Variants in SMIM15 observed in about 807,000 individuals in gnomAD.
The protein encoded by SMIM15 is small integral membrane protein 15, also known as UPF0542 protein C5orf43.
In SMIM15, 5 loss-of-function variants were observed where a neutral mutation model predicts 6.8. That is an observed-to-expected ratio of 0.74 (90% CI 0.39 to 1.56). The LOEUF (loss-of-function observed/expected upper bound fraction) is 1.56, where lower values mean the gene tolerates loss of function less well. SMIM15 is among the 40% of genes most tolerant of loss of function. The pLI is 0.03. For missense variants in SMIM15, 81 were observed against 84.8 expected, an observed-to-expected ratio of 0.96 and a Z score of 0.18; for synonymous variants, 30 against 30.8, an observed-to-expected ratio of 0.97 and a Z score of 0.09.
intron 2 of SMIM15, among the ~76,000 whole-genome samples, chr5:61,160,861 C>T (rs1579861360): frequency 1.3e-5 from 2 of 152,154 alleles, no homozygotes; most frequent in East Asian, 3.8e-4. Context: ...GTAGCCTTAA[C>T]AGATGCCATG....
rs1741437899 is a variant in SMIM15 at position 61,162,414 on chromosome 5, C to A, written c.-366G>T. On this transcript the variant is annotated 5_prime_UTR_variant, in exon 1 of 3. Coordinates refer to ENST00000339020, the MANE Select transcript of SMIM15 (RefSeq NM_001048249.4). This position sits in a 1 kb window ranked among gnomAD's most constrained non-coding sequence, Gnocchi z 4.4. ...GCAGCCACCAACTTCCCCTACATAG[C>A]CCCACGGGATCGGATCCCACTCCCC... The A allele has an allele frequency of 6.6e-6, 1 of 152,512 alleles. No homozygotes were observed. The highest frequency in any genetic ancestry group is 1.5e-5 in the Non-Finnish European group (1 of 68,266). The allele number at this position is 152,512 out of a possible 1,614,324, so 9.4% of individuals were successfully genotyped here.
chr5:61,161,782 A>C (rs1741421172), intron 1 of SMIM15, among the ~76,000 whole-genome samples: 1 of 152,152 alleles, frequency 6.6e-6, no homozygotes, highest in African/African-American at 2.4e-5. Context: ...TATCTTCCCC[A>C]CGATTTTCAA....
At position 61,159,052 on chromosome 5, in the gene SMIM15, CAT is replaced by C. The variant is rs1254155339; in HGVS notation, c.*893_*894del. The C allele has an allele frequency of 2.0e-5, 3 of 152,312 alleles. No homozygotes were observed. The highest frequency in any genetic ancestry group is 2.4e-5 in the African/African-American group (1 of 41,572). The allele number at this position is 152,312 out of a possible 1,614,324, so 9.4% of individuals were successfully genotyped here. ...CAGAAAGTATTAAATATCACTACCA[CAT>C]GAGTTAAAACAAAGAATGAAATAAA... On this transcript the variant is annotated 3_prime_UTR_variant, in exon 3 of 3. Coordinates refer to ENST00000339020, the MANE Select transcript of SMIM15 (RefSeq NM_001048249.4).
rs1208873560 is a variant in SMIM15 at position 61,159,626 on chromosome 5, A to G, written c.*321T>C. On this transcript the variant is annotated 3_prime_UTR_variant, in exon 3 of 3. Transcript: ENST00000339020. ...TCATTTGAATTGAGTTCATAATCTAAAGTCACTTTTCCCCACAAGATGTTT... is the reference window on the plus strand; with the variant it reads ...TCATTTGAATTGAGTTCATAATCTAGAGTCACTTTTCCCCACAAGATGTTT... The G allele has an allele frequency of 3.3e-6, 1 of 305,078 alleles. No homozygotes were observed. Among genetic ancestry groups the G allele is most frequent in the Non-Finnish European group, 6.1e-6 (1 of 162,614 alleles). The allele number at this position is 305,078 out of a possible 1,614,324, so 18.9% of individuals were successfully genotyped here.
rs941684110 is a variant in SMIM15 at position 61,158,755 on chromosome 5, G to A, written c.*1192C>T. ...AATACTAACAGTGAATAAAATTATT[G>A]GACCATGCATTTATAAAAGCCATGT... On this transcript the variant is annotated 3_prime_UTR_variant, in exon 3 of 3. Transcript: ENST00000339020. The A allele has an allele frequency of 6.6e-6, 1 of 152,010 alleles. No homozygotes were observed. The highest frequency in any genetic ancestry group is 2.4e-5 in the African/African-American group (1 of 41,384). The allele number at this position is 152,010 out of a possible 1,614,324, so 9.4% of individuals were successfully genotyped here.
intron 2 of SMIM15, 88 bp from the exon 3 acceptor site, chr5:61,160,287 A>C: frequency 1.1e-6 from 1 of 883,858 alleles, no homozygotes; most frequent in Non-Finnish European, 1.7e-6. Flanking sequence ...TTCCTCACAC[A>C]ACCAGTTAAC....
intron 2 of SMIM15, among the ~76,000 whole-genome samples, chr5:61,160,689 G>A (rs527874091): frequency 3.3e-5 from 5 of 152,330 alleles, no homozygotes; most frequent in South Asian, 2.1e-4. Flanking sequence ...TGAAATGCTC[G>A]CAGAGAAGGA....
rs142026129 is a variant in SMIM15, at chr5:61,160,202, G to A, written c.-28-3C>T. On this transcript the variant is annotated splice_region_variant and splice_polypyrimidine_tract_variant and intron_variant, in intron 2 of 2. Coordinates refer to ENST00000339020, the MANE Select transcript of SMIM15 (RefSeq NM_001048249.4). ...CAGCAGTCTTATGAAAACTGGGGCT[G>A]GGGGAGGCGGGTGGAGAACACAGAG... 0.032 allele frequency: 51,852 copies of A among 1,596,694 alleles called. 1,053 individuals are homozygous for A. The highest frequency in any genetic ancestry group is 0.039 in the Non-Finnish European group (46,080 of 1,169,300).
Position 61,159,766 on chromosome 5 carries a change from ACCC to A in SMIM15, c.*178_*180del. 1 of 644,450 alleles carries A rather than the reference ACCC, an allele frequency of 1.6e-6. No individual in the cohort carries two copies. The highest frequency in any genetic ancestry group is 2.8e-5 in the East Asian group (1 of 35,692). The allele number at this position is 644,450 out of a possible 1,614,324, so 39.9% of individuals were successfully genotyped here. A position where few individuals can be genotyped will look rare whatever the true frequency, so the allele number is the denominator to read the frequency against. The stretch of plus-strand genomic sequence containing the variant: ...TCAATAGAAACCTATAAACTTCTAC[ACCC>A]ACGCCTAAAAGTTACTATAGTATTG... On this transcript the variant is annotated 3_prime_UTR_variant, in exon 3 of 3. Coordinates refer to ENST00000339020, the MANE Select transcript of SMIM15 (RefSeq NM_001048249.4).
At chr5:61,160,523 G>A (rs1561143541) in intron 2 of SMIM15, among the ~76,000 whole-genome samples, 1 of 152,164 alleles carries the variant, frequency 6.6e-6, no homozygotes, top group Non-Finnish European at 1.5e-5. Context: ...ACTTTATTTA[G>A]GAGGAGGCTT....
In SMIM15 at chr5:61,160,023, G is replaced by C; in HGVS notation, c.149C>G (p.Ala50Gly). 1.2e-6 allele frequency: 2 copies of C among 1,613,950 alleles called. No homozygotes were observed. The highest frequency in any genetic ancestry group is 1.7e-6 in the Non-Finnish European group (2 of 1,180,008). Residue 50 changes from alanine to glycine, a missense_variant, in exon 3 of 3, where the codon GCC becomes GGC. Physicochemically the swap from Ala to Gly is moderately conservative, Grantham distance 60. Transcript: ENST00000339020. The stretch of plus-strand genomic sequence containing the variant: ...CTTCTTCTTTTGCTCCTTCTCCCTG[G>C]CCTCAATCATCTTGGCCAATTTCCA... ...LSWKLAKMIE[A>G]REKEQKKKQK...
At position 61,159,936 on chromosome 5, in the gene SMIM15, T is replaced by C; in HGVS notation, c.*11A>G. On this transcript the variant is annotated 3_prime_UTR_variant, in exon 3 of 3. Coordinates refer to ENST00000339020, the MANE Select transcript of SMIM15 (RefSeq NM_001048249.4). ...ATGATTTTCCTCTGGTTGCAAAGCC[T>C]GTTCAGTCCTTCAATCCTTTTTTAG... The C allele has an allele frequency of 6.2e-7, 1 of 1,611,928 alleles. No individual in the cohort carries two copies. The highest frequency in any genetic ancestry group is 8.5e-7 in the Non-Finnish European group (1 of 1,179,928).
rs887392070 is a variant in SMIM15, at chr5:61,157,772, G to C, written c.*2175C>G. ...ATAAAATGTTTGTTAGAGGCAGCCA[G>C]GGGACAGCTTTCTTTCTCCCCCAAG... On this transcript the variant is annotated 3_prime_UTR_variant, in exon 3 of 3. Coordinates refer to ENST00000339020, the MANE Select transcript of SMIM15 (RefSeq NM_001048249.4). 6.6e-6 allele frequency: 1 copy of C among 152,054 alleles called. No individual in the cohort carries two copies. The highest frequency in any genetic ancestry group is 1.5e-5 in the Non-Finnish European group (1 of 67,994). 9.4% of individuals were successfully genotyped at this position (152,054 alleles called of 1,614,324 possible).
In SMIM15 at chr5:61,159,813, T is replaced by G. The variant is rs1034105968; in HGVS notation, c.*134A>C. On this transcript the variant is annotated 3_prime_UTR_variant, in exon 3 of 3. Coordinates refer to ENST00000339020, the MANE Select transcript of SMIM15 (RefSeq NM_001048249.4). ...AGTATTGAGGTCAGAACTAACATGATTCTTCCATTTGGTCAAATTTCATTT... is the reference window on the plus strand; with the variant it reads ...AGTATTGAGGTCAGAACTAACATGAGTCTTCCATTTGGTCAAATTTCATTT... 4.0e-6 allele frequency: 4 copies of G among 998,260 alleles called. No homozygotes were observed. In the African/African-American group the frequency reaches 6.5e-5, roughly 16 times the overall value. The allele number at this position is 998,260 out of a possible 1,614,324, so 61.8% of individuals were successfully genotyped here.
rs189861262 is a variant in SMIM15, at chr5:61,158,663, G to C, written c.*1284C>G. 4.0e-4 allele frequency: 60 copies of C among 151,312 alleles called. No homozygotes were observed. The highest frequency in any genetic ancestry group is 7.2e-4 in the Non-Finnish European group (49 of 67,900). The allele number at this position is 151,312 out of a possible 1,614,324, so 9.4% of individuals were successfully genotyped here. On this transcript the variant is annotated 3_prime_UTR_variant, in exon 3 of 3. Coordinates refer to ENST00000339020, the MANE Select transcript of SMIM15 (RefSeq NM_001048249.4). ...TTTCATTTTTAAACTGTAGCTGCTA[G>C]ACAATTTTTTGTAATTTAAAATTCA...
Position 61,159,638 on chromosome 5 carries a change from C to T in SMIM15, c.*309G>A. 2 of 302,148 alleles carry T rather than the reference C, an allele frequency of 6.6e-6. No individual in the cohort carries two copies. The highest frequency in any genetic ancestry group is 4.3e-5 in the South Asian group (1 of 23,236). The allele number at this position is 302,148 out of a possible 1,614,324, so 18.7% of individuals were successfully genotyped here. A position where few individuals can be genotyped will look rare whatever the true frequency, so the allele number is the denominator to read the frequency against. On this transcript the variant is annotated 3_prime_UTR_variant, in exon 3 of 3. Transcript: ENST00000339020. ...AGTTCATAATCTAAAGTCACTTTTC[C>T]CCACAAGATGTTTTCATTTCAGTAT...
At chr5:61,161,303 G>A (rs1254151880) in intron 1 of SMIM15, 76 bp from the exon 2 acceptor site, 3 of 152,158 alleles carry the variant, frequency 2.0e-5, no homozygotes, top group Middle Eastern at 3.4e-3. Flanking sequence ...AATTTTAAAT[G>A]GAAAATTTCT....
Position 61,159,964 on chromosome 5 carries a change from G to C in SMIM15, c.208C>G (p.Arg70Gly). 6.2e-7 allele frequency: 1 copy of C among 1,612,724 alleles called. No individual in the cohort carries two copies. Among genetic ancestry groups the C allele is most frequent in the Non-Finnish European group, 8.5e-7 (1 of 1,179,966 alleles). The change falls in exon 3 of 3, where the codon CGA becomes GGA. Residue 70 changes from arginine to glycine, a missense_variant. Transcript: ENST00000339020. ...TCAGTCCTTCAATCCTTTTTTAGTC[G>C]TTTAGCTTTTGCAATGTTTTCTTGG... is the stretch of plus-strand genomic sequence containing the variant. ...KRQENIAKAKRLKKD is the reference protein window; with the variant it reads ...KRQENIAKAKGLKKD
intron 2 of SMIM15, 52 bp from the exon 3 acceptor site, chr5:61,160,251 T>A: frequency 7.4e-7 from 1 of 1,356,260 alleles, no homozygotes; most frequent in Non-Finnish European, 1.0e-6. Context: ...GAAAAGACTA[T>A]GTGGTTAATC....
Sources: gnomAD v4.1 joint callset for allele counts (sites outside exome capture counted in the v4.1 genomes callset) on GRCh38, gnomAD v4.1.1 for gene constraint, Gnocchi (gnomAD v3.1) non-coding constraint, MANE v1.5 for transcripts, NCBI Gene and HGNC (gene_info 2026-07-23, HGNC 2026-07-21) for gene names.